Variants in TRPM3 observed in about 807,000 individuals in gnomAD.
TRPM3 encodes long transient receptor potential channel 3.
In TRPM3, 77 loss-of-function variants were observed where a neutral mutation model predicts 181.2. That is an observed-to-expected ratio of 0.42 (90% CI 0.35 to 0.51). TRPM3 has a LOEUF of 0.51. Among genes scored for constraint, TRPM3 ranks in the 20% least tolerant of loss-of-function variants. TRPM3 has a pLI of 0.01. For synonymous variants in TRPM3, 745 were observed against 796.4 expected (o/e 0.94, Z 1.09); for missense variants, 1,759 against 2,196.7 (o/e 0.80, Z 3.98).
At chr9:70,864,247 GAATT>G (rs1187160357) in intron 2 of TRPM3, among the ~76,000 whole-genome samples, 181 bp downstream of exon 2, 2 of 151,900 alleles carry the variant, frequency 1.3e-5, no homozygotes, top group Non-Finnish European at 2.9e-5. Flanking sequence ...CTTAGAGTAA[GAATT>G]AATTGTAGAA....
chr9:71,330,753 A>C (rs1344489285), intron 1 of TRPM3, among the ~76,000 whole-genome samples: 1 of 151,878 alleles, frequency 6.6e-6, no homozygotes, highest in Non-Finnish European at 1.5e-5. Flanking sequence ...AGGCAGCAGC[A>C]GGGTAAGATC....
chr9:71,179,906 T>C (rs751878182), intron 1 of TRPM3, among the ~76,000 whole-genome samples: 10 of 152,228 alleles, frequency 6.6e-5, no homozygotes, highest in Non-Finnish European at 1.0e-4. Context: ...ACCCACCATA[T>C]GGCATTCACG....
chr9:70,981,664 G>A (rs1357775870), intron 1 of TRPM3, among the ~76,000 whole-genome samples: 2 of 152,132 alleles, frequency 1.3e-5, no homozygotes, highest in Non-Finnish European at 2.9e-5. Flanking sequence ...GGTATTGGGA[G>A]GATGAAATGA....
chr9:70,984,761 G>A (rs1450137934), intron 1 of TRPM3, among the ~76,000 whole-genome samples: 1 of 152,166 alleles, frequency 6.6e-6, no homozygotes, highest in African/African-American at 2.4e-5. Context: ...CCCTGCTGAT[G>A]CCTTCATTTT....
At chr9:70,863,693 A>T (rs1413023207) in intron 2 of TRPM3, among the ~76,000 whole-genome samples, 1 of 152,190 alleles carries the variant, frequency 6.6e-6, no homozygotes, top group Non-Finnish European at 1.5e-5. Flanking sequence ...TTGCTCTATC[A>T]TGAAAATGTC....
chr9:71,128,709 A>T (rs550810226), intron 1 of TRPM3, among the ~76,000 whole-genome samples: 2 of 152,348 alleles, frequency 1.3e-5, no homozygotes, highest in South Asian at 4.1e-4. Flanking sequence ...ACGAATTAAT[A>T]TATTTTAGGA....
intron 1 of TRPM3, among the ~76,000 whole-genome samples, chr9:71,199,210 A>G (rs11524687): frequency 0.28 from 41,628 of 150,268 alleles, 6,851 homozygotes; most frequent in African/African-American, 0.45. Context: ...GCCTTGCATC[A>G]CAGGGATGAA....
chr9:70,784,154 G>A lies in TRPM3; in HGVS notation c.1099C>T (p.Arg367Trp), dbSNP rs1428133590. Residue 367 changes from arginine (R) to tryptophan (W), a missense_variant, in exon 7 of 26, where the codon CGG (arginine) becomes TGG (tryptophan). Arg to Trp is a moderately radical substitution (Grantham distance 101). Coordinates refer to ENST00000677713, the MANE Select transcript of TRPM3 (RefSeq NM_001366145.2). ...CCAAAGGCCAGGATGTCCGATGCCC[G>A]TCCACTCCCATCACAGACAACCACT... ...VPVVVCDGSG[R>W]ASDILAFGHK... 1 of 1,613,444 alleles carries A rather than the reference G, an allele frequency of 6.2e-7. No homozygotes were observed. Among genetic ancestry groups the A allele is most frequent in the Non-Finnish European group, 8.5e-7 (1 of 1,179,734 alleles).
At chr9:70,896,088 A>C (rs2096274704) in intron 1 of TRPM3, among the ~76,000 whole-genome samples, 1 of 152,228 alleles carries the variant, frequency 6.6e-6, no homozygotes, top group South Asian at 2.1e-4. Flanking sequence ...GATTAAGAGT[A>C]CTTTTAGAAA....
chr9:70,942,600 G>C (rs1422918251), intron 1 of TRPM3, among the ~76,000 whole-genome samples: 1 of 152,152 alleles, frequency 6.6e-6, no homozygotes, highest in Non-Finnish European at 1.5e-5. Flanking sequence ...AGTAATGAAG[G>C]CTGGTCCTAT....
intron 18 of TRPM3, among the ~76,000 whole-genome samples, chr9:70,612,655 C>T (rs765307540): frequency 6.6e-6 from 1 of 152,162 alleles, no homozygotes; most frequent in South Asian, 2.1e-4. Context: ...AGATTCCATA[C>T]TAAGACTTAT....
At chr9:70,766,021 G>T (rs569358385) in intron 7 of TRPM3, among the ~76,000 whole-genome samples, 3 of 152,104 alleles carry the variant, frequency 2.0e-5, no homozygotes, top group Admixed American at 6.5e-5. Context: ...TTGTGGCTTT[G>T]TATCTACCCA....
intron 1 of TRPM3, among the ~76,000 whole-genome samples, chr9:71,039,165 C>CA (rs1374251394): frequency 6.6e-6 from 1 of 152,168 alleles, no homozygotes; most frequent in African/African-American, 2.4e-5. Context: ...GGTGTATGGA[C>CA]AATGGACTCT....
rs763709199 is a variant in TRPM3 at position 70,811,185 on chromosome 9, G to T, written c.973+16662C>A. 1.1e-5 allele frequency: 18 copies of T among 1,612,034 alleles called. No individual in the cohort carries two copies. The Admixed American group carries it at 3.0e-4, about 27-fold the overall frequency. On this transcript the variant is annotated intron_variant, in intron 6 of 25. Coordinates refer to ENST00000677713, the MANE Select transcript of TRPM3 (RefSeq NM_001366145.2). ...TTATACTTACCAACTGAGTCTAACT[G>T]GCAACTACCCCAAAATGAATAAAAC...
chr9:71,122,424 G>T (rs768961498), upstream of TRPM3, among the ~76,000 whole-genome samples: 1 of 152,160 alleles, frequency 6.6e-6, no homozygotes. Flanking sequence ...ACCCCCCTTC[G>T]GCTCCCATGT....
chr9:71,274,366 G>T (rs1044959420), intron 1 of TRPM3, among the ~76,000 whole-genome samples: 1 of 152,172 alleles, frequency 6.6e-6, no homozygotes. Flanking sequence ...ATTTCCTTCA[G>T]AATGGGACAG....
intron 1 of TRPM3, among the ~76,000 whole-genome samples, chr9:71,309,455 A>G (rs910473357): frequency 1.4e-4 from 21 of 152,270 alleles, no homozygotes; most frequent in Non-Finnish European, 2.5e-4. Context: ...TAAAGGTGAA[A>G]TCATTTTAGT....
At chr9:70,776,501 G>T (rs369352895) in intron 7 of TRPM3, 6 of 655,158 alleles carry the variant, frequency 9.2e-6, no homozygotes, top group Admixed American at 4.8e-5. Context: ...GTCAAAAAAT[G>T]ATTTGCAAAA....
intron 1 of TRPM3, among the ~76,000 whole-genome samples, chr9:71,029,467 GAACA>G (rs1297415116): frequency 6.6e-6 from 1 of 151,922 alleles, no homozygotes; most frequent in African/African-American, 2.4e-5. Flanking sequence ...CTTGAAAGAT[GAACA>G]AAAAATAAAA....
Sources: allele counts gnomAD v4.1 joint callset (sites outside exome capture counted in the v4.1 genomes callset), GRCh38; gene constraint gnomAD v4.1.1; transcripts MANE v1.5; gene names NCBI Gene and HGNC (gene_info 2026-07-23, HGNC 2026-07-21).